The following MRPS35 variants were observed in gnomAD, a reference collection of about 807,000 sequenced individuals.
The protein encoded by MRPS35 is small ribosomal subunit protein mS35.
Under a neutral mutation model 32.7 loss-of-function variants are expected in MRPS35, and 29 were observed. The ratio of observed to expected loss-of-function variants is 0.89; its 90% CI spans 0.66 to 1.21. The LOEUF (loss-of-function observed/expected upper bound fraction) is 1.21. MRPS35 is among the 50% of genes most tolerant of loss of function. The probability of loss-of-function intolerance (pLI) is 0.00; values close to 1 mark genes in which losing one functional copy is unlikely to be tolerated. For missense variants in MRPS35, 373 were observed against 383.8 expected, an observed-to-expected ratio of 0.97 and a Z score of 0.23; for synonymous variants, 148 against 139.3, an observed-to-expected ratio of 1.06 and a Z score of -0.44.
At chr12:27,737,891 A>G (rs1305152488) in intron 7 of MRPS35, among the ~76,000 whole-genome samples, 1 of 152,160 alleles carries the variant, frequency 6.6e-6, no homozygotes, top group African/African-American at 2.4e-5. Context: ...TTTGGGTGAA[A>G]GTTGTCAGCT....
intron 7 of MRPS35, among the ~76,000 whole-genome samples, chr12:27,749,677 GGC>G (rs1228308265): frequency 6.6e-6 from 1 of 152,098 alleles, no homozygotes; most frequent in Non-Finnish European, 1.5e-5. Flanking sequence ...TCAAATCCTT[GGC>G]ATAGGTACAT....
At chr12:27,751,541 G>C (rs979869008) in intron 7 of MRPS35, among the ~76,000 whole-genome samples, 1 of 151,972 alleles carries the variant, frequency 6.6e-6, no homozygotes, top group African/African-American at 2.4e-5. Flanking sequence ...TGCTCCGGCT[G>C]TGTGGCTCCC....
rs947865045 is a variant in MRPS35 at position 27,713,103 on chromosome 12, T to C, written c.113-1677T>C. On this transcript the variant is annotated intron_variant, in intron 1 of 7. Transcript: ENST00000081029. ...CCTCTTTTCTCTCTGTCTCTCTCTG[T>C]TCTGTTCTTAAATTTCAGCCATATT... Among the ~76,000 whole-genome samples, 3 of 152,232 alleles carry C rather than the reference T, an allele frequency of 2.0e-5. No homozygotes were observed. In the South Asian group the frequency reaches 6.2e-4, roughly 32 times the overall value.
At chr12:27,753,386 C>T (rs1054390537) in intron 7 of MRPS35, among the ~76,000 whole-genome samples, 1 of 151,928 alleles carries the variant, frequency 6.6e-6, no homozygotes, top group Non-Finnish European at 1.5e-5. Context: ...TATTTGTGAT[C>T]GGTGGGGCTC....
chr12:27,752,584 G>A (rs552789800), intron 7 of MRPS35, among the ~76,000 whole-genome samples: 5 of 152,296 alleles, frequency 3.3e-5, no homozygotes, highest in African/African-American at 1.2e-4. Context: ...AAATGTATTT[G>A]TCGGTTTTTT....
chr12:27,719,988 C>A, intron 4 of MRPS35, 120 bp downstream of exon 4: 1 of 705,276 alleles, frequency 1.4e-6, no homozygotes, highest in South Asian at 1.9e-5. Flanking sequence ...TGTTACATGT[C>A]AAGTCTGCAA....
At chr12:27,743,976 A>C (rs976801499) in intron 7 of MRPS35, among the ~76,000 whole-genome samples, 3 of 152,326 alleles carry the variant, frequency 2.0e-5, no homozygotes, top group Admixed American at 2.0e-4. Flanking sequence ...GGTCTGTAGC[A>C]CGGGTTCTAT....
intron 3 of MRPS35, 33 bp from the exon 4 acceptor site, chr12:27,719,775 A>T: frequency 7.5e-7 from 1 of 1,328,526 alleles, no homozygotes; most frequent in Non-Finnish European, 1.1e-6. Context: ...TAAGACATTT[A>T]GCTAATTTAT....
At chr12:27,751,122 A>G (rs868724385) in intron 7 of MRPS35, among the ~76,000 whole-genome samples, 42 of 148,458 alleles carry the variant, frequency 2.8e-4, no homozygotes, top group African/African-American at 7.6e-4. Context: ...AAAAAAAAAA[A>G]AAAAGAAAAG....
At chr12:27,716,179 C>A in intron 2 of MRPS35, 112 bp from the exon 3 acceptor site, 1 of 1,025,520 alleles carries the variant, frequency 9.8e-7, no homozygotes, top group Non-Finnish European at 1.4e-6. Flanking sequence ...ACATATGTTG[C>A]AATTTTGCTT....
chr12:27,743,875 C>G (rs1032532108), intron 7 of MRPS35, among the ~76,000 whole-genome samples: 6 of 152,110 alleles, frequency 3.9e-5, no homozygotes, highest in Non-Finnish European at 7.4e-5. Flanking sequence ...ACTTGGAGAA[C>G]AGAGAGAGAG....
At chr12:27,732,869 G>A (rs1482698696) in intron 5 of MRPS35, among the ~76,000 whole-genome samples, 1 of 151,762 alleles carries the variant, frequency 6.6e-6, no homozygotes, top group African/African-American at 2.4e-5. Flanking sequence ...TGTCTTTTAT[G>A]TAATACCAGC....
In MRPS35 at chr12:27,716,372, T is replaced by C; in HGVS notation, c.235T>C (p.Ser79Pro). 1.2e-6 allele frequency: 2 copies of C among 1,614,186 alleles called. No homozygotes were observed. The highest frequency in any genetic ancestry group is 1.7e-6 in the Non-Finnish European group (2 of 1,180,028). ...CCCAGTTGCAGCACCATTTAAACCC[T>C]CTGCAGTACCTCTTCCTGTTCGAAT... is the stretch of plus-strand genomic sequence containing the variant. ...VYPVAAPFKP[S>P]AVPLPVRMGY... The change falls in exon 3 of 8, where the codon TCT becomes CCT. Residue 79 changes from serine (S) to proline (P), a missense_variant. Physicochemically the swap from Ser to Pro is moderately conservative, Grantham distance 74. Coordinates refer to ENST00000081029, the MANE Select transcript of MRPS35 (RefSeq NM_021821.4).
chr12:27,751,992 C>CTGGGG (rs2062006231), intron 7 of MRPS35, among the ~76,000 whole-genome samples: 2 of 152,064 alleles, frequency 1.3e-5, no homozygotes, highest in South Asian at 4.2e-4. Context: ...GTAATCCCAG[C>CTGGGG]ACCTTGAGAG....
chr12:27,735,607 C>T, intron 6 of MRPS35, 51 bp downstream of exon 6: 1 of 1,323,590 alleles, frequency 7.6e-7, no homozygotes. Context: ...CCTCATTGTC[C>T]TCCAATTCCT....
chr12:27,726,979 GAGACGGAGTCTCAC>G (rs1362709884), intron 5 of MRPS35, among the ~76,000 whole-genome samples: 1 of 30,574 alleles, frequency 3.3e-5, no homozygotes, highest in African/African-American at 1.3e-4. Flanking sequence ...TTTTTTTTTT[GAGACGGAGTCTCAC>G]TCTGTCACCC....
At chr12:27,723,311 C>T (rs1267544780) in intron 4 of MRPS35, among the ~76,000 whole-genome samples, 15 of 151,370 alleles carry the variant, frequency 9.9e-5, no homozygotes. Flanking sequence ...TGAGTTTATG[C>T]TTCTGTGTTA....
rs771355286 is a variant in MRPS35, at chr12:27,710,836, TC to T, written c.-7del. 6.2e-7 allele frequency: 1 copy of T among 1,602,516 alleles called. No individual in the cohort carries two copies. Among genetic ancestry groups the T allele is most frequent in the East Asian group, 2.2e-5 (1 of 44,716 alleles). ...GCTTGTCCCCTCCGGCTTGCCGTCC[TC>T]GCAGCCATGGCGGCCGCCGCGCTCC... On this transcript the variant is annotated 5_prime_UTR_variant, in exon 1 of 8. Coordinates refer to ENST00000081029, the MANE Select transcript of MRPS35 (RefSeq NM_021821.4).
chr12:27,751,377 G>A (rs531494422), intron 7 of MRPS35, among the ~76,000 whole-genome samples: 1 of 152,154 alleles, frequency 6.6e-6, no homozygotes, highest in African/African-American at 2.4e-5. Context: ...GCTGAAGTCC[G>A]AGGGGCGTGG....
Sources: allele counts gnomAD v4.1 joint callset (sites outside exome capture counted in the v4.1 genomes callset), GRCh38; gene constraint gnomAD v4.1.1; transcripts MANE v1.5; gene names NCBI Gene and HGNC (gene_info 2026-07-23, HGNC 2026-07-21).